BMERB1: variants seen among roughly 807,000 people sequenced by gnomAD.
BMERB1 encodes the protein bMERB domain containing 1.
In BMERB1, 12 loss-of-function variants were observed where a neutral mutation model predicts 23.6. The ratio of observed to expected loss-of-function variants is 0.51; its 90% CI spans 0.33 to 0.82. The LOEUF (loss-of-function observed/expected upper bound fraction) is 0.82, where lower values mean the gene tolerates loss of function less well. BMERB1 is among the 40% of genes least tolerant of loss of function. BMERB1 has a pLI of 0.03. For synonymous variants in BMERB1, 122 were observed against 96.6 expected (o/e 1.26, Z -1.54); for missense variants, 247 against 255.4 (o/e 0.97, Z 0.22).
chr16:15,534,339 A>C (rs1053073611), intron 2 of BMERB1, among the ~76,000 whole-genome samples: 3 of 147,468 alleles, frequency 2.0e-5, no homozygotes, highest in Non-Finnish European at 4.5e-5. Flanking sequence ...GCGGTGGCTC[A>C]CGTCTGTAAT....
intron 2 of BMERB1, among the ~76,000 whole-genome samples, chr16:15,524,594 C>T (rs562337761): frequency 6.6e-6 from 1 of 152,126 alleles, no homozygotes; most frequent in Non-Finnish European, 1.5e-5. Context: ...ATGGCAAAAC[C>T]CCATCTCTAC....
At chr16:15,466,408 T>C (rs550695056) in intron 1 of BMERB1, among the ~76,000 whole-genome samples, 118 of 152,328 alleles carry the variant, frequency 7.7e-4, no homozygotes, top group African/African-American at 2.6e-3. Context: ...GGTCGTACCC[T>C]TTTGCCCTTT....
chr16:15,538,702 C>T (rs952247490), intron 2 of BMERB1, among the ~76,000 whole-genome samples: 6 of 152,170 alleles, frequency 3.9e-5, no homozygotes, highest in African/African-American at 9.7e-5. Flanking sequence ...CATCATTAAC[C>T]GCCTGGAGGA....
intron 1 of BMERB1, among the ~76,000 whole-genome samples, chr16:15,488,328 T>C (rs1477556098): frequency 6.6e-6 from 1 of 152,196 alleles, no homozygotes; most frequent in Non-Finnish European, 1.5e-5. Context: ...AAAGCCATTC[T>C]TGTCTCACAG....
In BMERB1 at chr16:15,587,437, TC is replaced by T. The variant is rs939252343; in HGVS notation, c.*614del. 2.6e-5 allele frequency: 8 copies of T among 309,606 alleles called. No homozygotes were observed. Among genetic ancestry groups the T allele is most frequent in the African/African-American group, 1.3e-4 (6 of 45,296 alleles). 19.2% of individuals were successfully genotyped at this position (309,606 alleles called of 1,614,324 possible). On this transcript the variant is annotated 3_prime_UTR_variant, in exon 6 of 6. Transcript: ENST00000300006. ...TGGTGTCGTGGTCACATCTCCCGCTTCCCCCCATCCTGTGTCTGGGCACAGT... is the reference window on the plus strand; with the variant it reads ...TGGTGTCGTGGTCACATCTCCCGCTTCCCCCATCCTGTGTCTGGGCACAGT...
intron 1 of BMERB1, among the ~76,000 whole-genome samples, chr16:15,456,465 T>C (rs2051088324): frequency 6.6e-6 from 1 of 151,698 alleles, no homozygotes; most frequent in Non-Finnish European, 1.5e-5. Flanking sequence ...GTCACAGGAG[T>C]AGCTGGGACT....
At chr16:15,479,326 G>C (rs1002264263) in intron 1 of BMERB1, among the ~76,000 whole-genome samples, 11 of 152,126 alleles carry the variant, frequency 7.2e-5, no homozygotes, top group Non-Finnish European at 1.5e-4. Context: ...CTAATGTTTT[G>C]TAAATGACCA....
At chr16:15,566,230 T>C (rs564332467) in intron 2 of BMERB1, among the ~76,000 whole-genome samples, 12 of 152,302 alleles carry the variant, frequency 7.9e-5, no homozygotes, top group African/African-American at 2.6e-4. Context: ...AATGCAAAAT[T>C]ATAATGTGTA....
intron 1 of BMERB1, among the ~76,000 whole-genome samples, chr16:15,471,425 C>T (rs751322495): frequency 2.6e-5 from 4 of 152,118 alleles, no homozygotes; most frequent in African/African-American, 9.7e-5. Flanking sequence ...TTTTCTAATT[C>T]GTCTTGGATG....
At chr16:15,519,429 C>G (rs2051822149) in intron 2 of BMERB1, among the ~76,000 whole-genome samples, 1 of 152,122 alleles carries the variant, frequency 6.6e-6, no homozygotes, top group East Asian at 1.9e-4. Context: ...CTCGCTCTGT[C>G]GCCCAGGCTG....
chr16:15,569,439 A>C (rs2030668344), intron 3 of BMERB1, among the ~76,000 whole-genome samples: 1 of 152,006 alleles, frequency 6.6e-6, no homozygotes, highest in Non-Finnish European at 1.5e-5. Context: ...TAAAAGACCA[A>C]ATCTCATGAG....
intron 1 of BMERB1, among the ~76,000 whole-genome samples, chr16:15,483,547 T>C (rs11075270): frequency 0.24 from 36,897 of 151,870 alleles, 5,471 homozygotes; most frequent in Middle Eastern, 0.4. Flanking sequence ...ACCTGGCCAA[T>C]TTTTGTAGTT....
chr16:15,499,647 C>T (rs1377752821), intron 1 of BMERB1, among the ~76,000 whole-genome samples: 1 of 149,334 alleles, frequency 6.7e-6, no homozygotes, highest in East Asian at 2.1e-4. Flanking sequence ...GACACCTTCT[C>T]TCTGCCTCCC....
intron 2 of BMERB1, among the ~76,000 whole-genome samples, chr16:15,538,104 G>C (rs1018917253): frequency 6.6e-6 from 1 of 152,198 alleles, no homozygotes; most frequent in African/African-American, 2.4e-5. Flanking sequence ...GACATCTTGA[G>C]TCGATAGGAG....
chr16:15,488,104 T>G (rs1406393803), intron 1 of BMERB1, among the ~76,000 whole-genome samples: 1 of 152,174 alleles, frequency 6.6e-6, no homozygotes, highest in South Asian at 2.1e-4. Context: ...CAAGATGGTG[T>G]TGTTCTGGTT....
At chr16:15,571,836 T>G (rs915694143) in intron 3 of BMERB1, among the ~76,000 whole-genome samples, 1 of 151,962 alleles carries the variant, frequency 6.6e-6, no homozygotes, top group Non-Finnish European at 1.5e-5. Flanking sequence ...ACATTTGACT[T>G]CCTCCTCTAC....
At position 15,561,256 on chromosome 16, in the gene BMERB1, A is replaced by ATTTTTTT. The variant is rs35139646; in HGVS notation, c.231-6705_231-6699dup. On this transcript the variant is annotated intron_variant, in intron 2 of 5. Coordinates refer to ENST00000300006, the MANE Select transcript of BMERB1 (RefSeq NM_033201.3). ...ACAGGTGTGAGCCACCACGCCGGCC[A>ATTTTTTT]TTTTTTTTTTTTTTTTTTTTTTTTT... Among the ~76,000 whole-genome samples, 2 of 42,214 alleles carry ATTTTTTT rather than the reference A, an allele frequency of 4.7e-5. 1 individual carries two copies. Among genetic ancestry groups the ATTTTTTT allele is most frequent in the African/African-American group, 2.1e-4 (2 of 9,332 alleles). 27.7% of individuals were successfully genotyped at this position (42,214 alleles called of 152,430 possible).
chr16:15,508,950 C>T lies in BMERB1; in HGVS notation c.107-6355C>T, dbSNP rs368478766. ...TGTATCTGATTCAAGCTTTAGGCTT[C>T]GTTCCTTTCTCTTGGGGAAGAAAAA... On this transcript the variant is annotated intron_variant, in intron 1 of 5. Coordinates refer to ENST00000300006, the MANE Select transcript of BMERB1 (RefSeq NM_033201.3). Among the ~76,000 whole-genome samples, 87 of 151,998 alleles carry T rather than the reference C, an allele frequency of 5.7e-4. No homozygotes were observed. In the South Asian group the frequency reaches 0.016, roughly 28 times the overall value.
At chr16:15,479,455 A>T (rs1291292431) in intron 1 of BMERB1, among the ~76,000 whole-genome samples, 1 of 152,240 alleles carries the variant, frequency 6.6e-6, no homozygotes, top group Non-Finnish European at 1.5e-5. Flanking sequence ...CATTGCAAGT[A>T]AACCTTAAAA....
Sources: allele counts gnomAD v4.1 joint callset (sites outside exome capture counted in the v4.1 genomes callset), GRCh38; gene constraint gnomAD v4.1.1; transcripts MANE v1.5; gene names NCBI Gene and HGNC (gene_info 2026-07-23, HGNC 2026-07-21).